TMEM201: variants seen among roughly 807,000 people sequenced by gnomAD.
TMEM201 encodes transmembrane protein 201.
A neutral mutation model predicts 63.4 loss-of-function variants in TMEM201; 26 were observed. The observed-to-expected ratio is 0.41, with a 90% CI of 0.30 to 0.57. TMEM201 has a LOEUF of 0.57. Ranked by LOEUF, TMEM201 falls within the 20% of genes least tolerant of loss-of-function variation. The pLI is 0.29. For missense variants in TMEM201, 794 were observed against 917.7 expected, an observed-to-expected ratio of 0.87 and a Z score of 1.74; for synonymous variants, 417 against 421.6, an observed-to-expected ratio of 0.99 and a Z score of 0.14.
chr1:9,592,374 G>A (rs1643936078), intron 1 of TMEM201, among the ~76,000 whole-genome samples: 1 of 152,220 alleles, frequency 6.6e-6, no homozygotes, highest in African/African-American at 2.4e-5. Flanking sequence ...AGTGTCCCAG[G>A]TCCTGAGCAA....
In TMEM201 at chr1:9,607,747, C is replaced by T. The variant is rs747808547; in HGVS notation, c.1351C>T (p.Arg451Trp). 2.4e-5 allele frequency: 38 copies of T among 1,551,738 alleles called. No individual in the cohort carries two copies. Among genetic ancestry groups the T allele is most frequent in the Middle Eastern group, 3.3e-4 (2 of 5,994 alleles). ...SPSSLPGRLS[R>W]ALSLGTIPSL... is the part of the protein sequence containing the mutation. ...CTCCTCATTGCCTGGCCGCCTCAGC[C>T]GGGCCCTCTCTCTGGGAACCATACC... is the stretch of plus-strand genomic sequence containing the variant. Residue 451 changes from arginine (R) to tryptophan (W), a missense_variant, in exon 7 of 11, where the codon CGG becomes TGG. Arg to Trp is a moderately radical substitution (Grantham distance 101). Coordinates refer to ENST00000340381, the MANE Select transcript of TMEM201 (RefSeq NM_001130924.3). The surrounding 1 kb of genome is among the most constrained non-coding windows in gnomAD (Gnocchi z 5.4).
chr1:9,590,369 G>A (rs1643900105), intron 1 of TMEM201, among the ~76,000 whole-genome samples: 1 of 152,198 alleles, frequency 6.6e-6, no homozygotes, highest in African/African-American at 2.4e-5. Context: ...CTTCCTGGAC[G>A]AAGCCGCCTC....
chr1:9,598,717 G>A, intron 4 of TMEM201, 92 bp downstream of exon 4: 2 of 1,216,094 alleles, frequency 1.6e-6, no homozygotes. Flanking sequence ...CCAGAGGGTA[G>A]CTCTTCAGAG....
chr1:9,595,907 C>T lies in TMEM201; in HGVS notation c.131C>T (p.Thr44Met), dbSNP rs80180768. 7,949 of 1,613,554 alleles carry T rather than the reference C, an allele frequency of 4.9e-3. 252 individuals carry two copies. In the African/African-American group the frequency reaches 0.074, roughly 15 times the overall value. The change falls in exon 2 of 11, where the codon ACG becomes ATG. Residue 44 changes from threonine to methionine, a missense_variant. Transcript: ENST00000340381. ...GTCCACAGGATGAAGCCAACGCACA[C>T]GATGGTCAACTGCTGGTTCTGCAAC... ...RIARRMKPTH[T>M]MVNCWFCNQD...
At position 9,607,410 on chromosome 1, in the gene TMEM201, T is replaced by C; in HGVS notation, c.1161-147T>C. 1.6e-6 allele frequency: 1 copy of C among 638,222 alleles called. No homozygotes were observed. The highest frequency in any genetic ancestry group is 2.0e-5 in the South Asian group (1 of 49,512). The allele number at this position is 638,222 out of a possible 1,614,324, so 39.5% of individuals were successfully genotyped here. On this transcript the variant is annotated intron_variant, in intron 6 of 10. Transcript: ENST00000340381. The surrounding 1 kb of genome is among the most constrained non-coding windows in gnomAD (Gnocchi z 5.4). The stretch of plus-strand genomic sequence containing the variant: ...GGCGTGAATGTGGTCGGATTGCTTT[T>C]CTGCTTTAACTAACGCACGCCTCCT...
In TMEM201 at chr1:9,613,799, C is replaced by T. The variant is rs919937230; in HGVS notation, c.*716C>T. ...CCCTGAGAATGCGGAGCGCCCTGGCCCACCTCGCCCTGTGTTTCCAGGCCT... is the reference window on the plus strand; with the variant it reads ...CCCTGAGAATGCGGAGCGCCCTGGCTCACCTCGCCCTGTGTTTCCAGGCCT... On this transcript the variant is annotated 3_prime_UTR_variant, in exon 11 of 11. Transcript: ENST00000340381. The T allele has an allele frequency of 6.6e-6, 1 of 152,408 alleles. No homozygotes were observed. Among genetic ancestry groups the T allele is most frequent in the Non-Finnish European group, 1.5e-5 (1 of 68,194 alleles). The allele number at this position is 152,408 out of a possible 1,614,324, so 9.4% of individuals were successfully genotyped here.
At position 9,604,080 on chromosome 1, in the gene TMEM201, C is replaced by T. The variant is rs989642109; in HGVS notation, c.1160+1808C>T. On this transcript the variant is annotated intron_variant, in intron 6 of 10. Coordinates refer to ENST00000340381, the MANE Select transcript of TMEM201 (RefSeq NM_001130924.3). This position sits in a 1 kb window ranked among gnomAD's most constrained non-coding sequence, Gnocchi z 4.1. ...ACAAAGAGCCCATCTGAGAGAAGGA[C>T]GTGGTGGAGCCAGGACGGGAAAGCG... The T allele has an allele frequency of 1.7e-4, 163 of 985,416 alleles. No individual in the cohort carries two copies. The Middle Eastern group carries it at 4.7e-3, about 28-fold the overall frequency. 61.0% of individuals were successfully genotyped at this position (985,416 alleles called of 1,614,324 possible).
chr1:9,589,017 C>T lies in TMEM201; in HGVS notation c.87C>T (p.Gly29=). The change falls in exon 1 of 11, where the codon GGC becomes GGT. Residue 29 remains glycine (G), a synonymous_variant. Coordinates refer to ENST00000340381, the MANE Select transcript of TMEM201 (RefSeq NM_001130924.3). ...GGGTCACGGCGTGCGCCGCGGCCGGCGTGTTGCTCTACCGGATCGCGCGGA... is the reference window on the plus strand; with the variant it reads ...GGGTCACGGCGTGCGCCGCGGCCGGTGTGTTGCTCTACCGGATCGCGCGGA... The part of the protein sequence containing the change: ...GLGVTACAAA[G]VLLYRIARRM... 1 of 1,167,426 alleles carries T rather than the reference C, an allele frequency of 8.6e-7. No homozygotes were observed. The highest frequency in any genetic ancestry group is 1.1e-6 in the Non-Finnish European group (1 of 941,762). The allele number at this position is 1,167,426 out of a possible 1,614,324, so 72.3% of individuals were successfully genotyped here.
intron 10 of TMEM201, among the ~76,000 whole-genome samples, chr1:9,612,670 T>G (rs1448678383): frequency 6.6e-6 from 1 of 152,174 alleles, no homozygotes; most frequent in Non-Finnish European, 1.5e-5. Flanking sequence ...CCAGCCCCCA[T>G]GACCTCATCT....
Position 9,603,899 on chromosome 1 carries a change from G to C in TMEM201, c.1160+1627G>C. 1 of 985,464 alleles carries C rather than the reference G, an allele frequency of 1.0e-6. No individual in the cohort carries two copies. Among genetic ancestry groups the C allele is most frequent in the South Asian group, 4.7e-5 (1 of 21,286 alleles). The allele number at this position is 985,464 out of a possible 1,614,324, so 61.0% of individuals were successfully genotyped here. The stretch of plus-strand genomic sequence containing the variant: ...GCTTGTTGTTCTGTGTGGAGCGTGA[G>C]GTGAGAAAACCCCTCTGAAAAGATG... On this transcript the variant is annotated intron_variant, in intron 6 of 10. Coordinates refer to ENST00000340381, the MANE Select transcript of TMEM201 (RefSeq NM_001130924.3). The surrounding 1 kb of genome is among the most constrained non-coding windows in gnomAD (Gnocchi z 4.5).
In TMEM201 at chr1:9,610,677, C is replaced by G; in HGVS notation, c.1637C>G (p.Pro546Arg). Reference protein sequence around the residue: ...KGQKLLLFPSPPGEAPTTPSS... With the variant: ...KGQKLLLFPSRPGEAPTTPSS... Reference sequence around the variant, plus strand: ...CAGAAGCTGCTGCTGTTCCCGTCACCCCCTGGAGAGGCCCCCACCACGCCC... The same window carrying G: ...CAGAAGCTGCTGCTGTTCCCGTCACGCCCTGGAGAGGCCCCCACCACGCCC... The change falls in exon 9 of 11, where the codon CCC becomes CGC. Residue 546 changes from proline to arginine, a missense_variant. Pro to Arg is a moderately radical substitution (Grantham distance 103). Transcript: ENST00000340381. This position sits in a 1 kb window ranked among gnomAD's most constrained non-coding sequence, Gnocchi z 4.9. The G allele has an allele frequency of 2.6e-6, 4 of 1,550,608 alleles. No individual in the cohort carries two copies. Among genetic ancestry groups the G allele is most frequent in the African/African-American group, 1.4e-5 (1 of 73,156 alleles).
intron 1 of TMEM201, among the ~76,000 whole-genome samples, chr1:9,593,026 AG>A (rs1643947196): frequency 6.6e-6 from 1 of 152,224 alleles, no homozygotes; most frequent in South Asian, 2.1e-4. Flanking sequence ...TTTGTCCCAG[AG>A]TCAAGTTAAG....
intron 4 of TMEM201, among the ~76,000 whole-genome samples, chr1:9,599,934 C>T (rs1644104730): frequency 6.6e-6 from 1 of 152,202 alleles, no homozygotes; most frequent in Non-Finnish European, 1.5e-5. Context: ...CATAAATGGA[C>T]AGATAACTGT....
rs1202305376 is a variant in TMEM201, at chr1:9,588,992, G to A, written c.62G>A (p.Gly21Glu). Reference sequence around the variant, plus strand: ...ACGGCCGGCCTGGCCGGCGGCCTGGGGGTCACGGCGTGCGCCGCGGCCGGC... The same window carrying A: ...ACGGCCGGCCTGGCCGGCGGCCTGGAGGTCACGGCGTGCGCCGCGGCCGGC... ...CPTAGLAGGL[G>E]VTACAAAGVL... Residue 21 changes from glycine to glutamate, a missense_variant, in exon 1 of 11, where the codon GGG becomes GAG. Gly to Glu is a moderately conservative substitution (Grantham distance 98). Transcript: ENST00000340381. 3 of 1,203,690 alleles carry A rather than the reference G, an allele frequency of 2.5e-6. No homozygotes were observed. Among genetic ancestry groups the A allele is most frequent in the South Asian group, 4.1e-5 (2 of 48,732 alleles). 74.6% of individuals were successfully genotyped at this position (1,203,690 alleles called of 1,614,324 possible).
rs1185894640 is a variant in TMEM201 at position 9,602,223 on chromosome 1, G to T, written c.1111G>T (p.Ala371Ser). 6.2e-7 allele frequency: 1 copy of T among 1,612,588 alleles called. No individual in the cohort carries two copies. The change falls in exon 6 of 11, where the codon GCT becomes TCT. Residue 371 changes from alanine (A) to serine (S), a missense_variant. Coordinates refer to ENST00000340381, the MANE Select transcript of TMEM201 (RefSeq NM_001130924.3). ...SLCCLVGFTA[A>S]VATRKATGPR... ...GTGCTGCCTGGTTGGCTTCACGGCG[G>T]CTGTGGCCACAAGGAAGGCAACGGG...
At chr1:9,596,122 A>G in intron 2 of TMEM201, 112 bp downstream of exon 2, 1 of 1,345,678 alleles carries the variant, frequency 7.4e-7, no homozygotes, top group Non-Finnish European at 1.0e-6. Context: ...TGGACCCCAC[A>G]CCCTCATACC....
At chr1:9,589,929 T>TCAG (rs762898107) in intron 1 of TMEM201, among the ~76,000 whole-genome samples, 53 of 152,322 alleles carry the variant, frequency 3.5e-4, no homozygotes, top group Non-Finnish European at 4.0e-4. Context: ...ACTTGCCCAC[T>TCAG]CAGCAGCAAG....
At chr1:9,593,040 C>T (rs572613838) in intron 1 of TMEM201, among the ~76,000 whole-genome samples, 10 of 152,332 alleles carry the variant, frequency 6.6e-5, no homozygotes, top group African/African-American at 1.7e-4. Context: ...AAGTTAAGGA[C>T]GGAGGTTGTT....
At position 9,588,947 on chromosome 1, in the gene TMEM201, C is replaced by T. The variant is rs1406426751; in HGVS notation, c.17C>T (p.Ala6Val). Residue 6 changes from alanine (A) to valine (V), a missense_variant, in exon 1 of 11, where the codon GCG (alanine) becomes GTG (valine). Coordinates refer to ENST00000340381, the MANE Select transcript of TMEM201 (RefSeq NM_001130924.3). The part of the protein sequence containing the change: MEGVS[A>V]LLARCPTAGL... ...CGGAGAGCCATGGAGGGAGTGAGCG[C>T]GCTGCTGGCCCGCTGCCCCACGGCC... 1 of 1,276,146 alleles carries T rather than the reference C, an allele frequency of 7.8e-7. No individual in the cohort carries two copies. Among genetic ancestry groups the T allele is most frequent in the Non-Finnish European group, 1.0e-6 (1 of 992,536 alleles). The allele number at this position is 1,276,146 out of a possible 1,614,324, so 79.1% of individuals were successfully genotyped here.
Sources: allele counts gnomAD v4.1 joint callset (sites outside exome capture counted in the v4.1 genomes callset), GRCh38; gene constraint gnomAD v4.1.1; non-coding constraint Gnocchi (gnomAD v3.1); transcripts MANE v1.5; gene names NCBI Gene and HGNC (gene_info 2026-07-23, HGNC 2026-07-21).